Variants in NFX1 observed in about 807,000 individuals in gnomAD.
NFX1 encodes the protein nuclear transcription factor, X-box binding 1.
In NFX1, 69 loss-of-function variants were observed where a neutral mutation model predicts 137.2. The observed-to-expected ratio is 0.50, with a 90% CI of 0.41 to 0.61. The LOEUF (loss-of-function observed/expected upper bound fraction) is 0.61, where lower values mean the gene tolerates loss of function less well. Among genes scored for constraint, NFX1 ranks in the 20% least tolerant of loss-of-function variants. NFX1 has a pLI of 0.00. For synonymous variants in NFX1, 495 were observed against 474.1 expected (o/e 1.04, Z -0.57); for missense variants, 1,167 against 1,391.0 (o/e 0.84, Z 2.56).
intron 19 of NFX1, among the ~76,000 whole-genome samples, chr9:33,359,543 G>A (rs1823925672): frequency 6.6e-6 from 1 of 151,840 alleles, no homozygotes; most frequent in Non-Finnish European, 1.5e-5. Context: ...AGGGTGCAGT[G>A]AGCCGAGATG....
intron 11 of NFX1, among the ~76,000 whole-genome samples, chr9:33,335,532 CT>C (rs1162942425): frequency 1.3e-5 from 2 of 151,942 alleles, no homozygotes; most frequent in African/African-American, 4.8e-5. Context: ...CGTGCCCAAC[CT>C]TTTTTTAAAT....
At chr9:33,344,216 A>C (rs1342708184) in intron 14 of NFX1, 28 bp downstream of exon 14, 4 of 1,612,778 alleles carry the variant, frequency 2.5e-6, no homozygotes, top group Non-Finnish European at 2.5e-6. Context: ...TTCACACTTC[A>C]GCCTGCTCAC....
chr9:33,341,407 A>G (rs1823215416), intron 12 of NFX1, among the ~76,000 whole-genome samples: 1 of 152,186 alleles, frequency 6.6e-6, no homozygotes, highest in African/African-American at 2.4e-5. Context: ...CCTTCCTACA[A>G]CATGTGGGAA....
intron 23 of NFX1, among the ~76,000 whole-genome samples, chr9:33,369,043 G>A (rs971822052): frequency 3.3e-5 from 5 of 152,050 alleles, no homozygotes; most frequent in African/African-American, 7.2e-5. Context: ...TTATTGGCCC[G>A]TTTATCCCAT....
intron 15 of NFX1, among the ~76,000 whole-genome samples, chr9:33,350,301 C>A (rs1349375898): frequency 1.5e-5 from 2 of 136,916 alleles, no homozygotes; most frequent in Admixed American, 7.6e-5. Flanking sequence ...GAGACTCCAT[C>A]TCAAAAAAAA....
At chr9:33,315,622 G>A (rs1013271079) in intron 7 of NFX1, among the ~76,000 whole-genome samples, 4 of 151,878 alleles carry the variant, frequency 2.6e-5, no homozygotes, top group Non-Finnish European at 4.4e-5. Flanking sequence ...AGATTGGCCT[G>A]GGCACGGTAG....
At chr9:33,317,056 T>C (rs902053324) in intron 7 of NFX1, among the ~76,000 whole-genome samples, 4 of 152,182 alleles carry the variant, frequency 2.6e-5, no homozygotes, top group African/African-American at 9.6e-5. Context: ...TATTGTGTTT[T>C]CTGAATCTTT....
intron 19 of NFX1, among the ~76,000 whole-genome samples, chr9:33,360,411 TCTTGGCACAAGAG>T (rs1478042591): frequency 1.3e-5 from 2 of 152,190 alleles, no homozygotes; most frequent in African/African-American, 2.4e-5. Flanking sequence ...CTCATAAAGC[TCTTGGCACAAGAG>T]CTTGGCACAT....
At chr9:33,354,003 A>G in intron 17 of NFX1, 83 bp from the exon 18 acceptor site, 3 of 1,311,828 alleles carry the variant, frequency 2.3e-6, no homozygotes, top group Non-Finnish European at 3.1e-6. Flanking sequence ...ATTTGCTTTT[A>G]AAGAGGTCTT....
At position 33,328,693 on chromosome 9, in the gene NFX1, A is replaced by G. The variant is rs745692773; in HGVS notation, c.2004+15A>G. On this transcript the variant is annotated intron_variant, in intron 10 of 23. Coordinates refer to ENST00000379540, the MANE Select transcript of NFX1 (RefSeq NM_002504.6). ...TCAGAACAAAGGTAAATCCTAAACA[A>G]TGCTAGAGTTGTTGCCATCAATGTT... 5 of 1,578,228 alleles carry G rather than the reference A, an allele frequency of 3.2e-6. No homozygotes were observed. Among genetic ancestry groups the G allele is most frequent in the African/African-American group, 2.7e-5 (2 of 74,202 alleles).
chr9:33,362,661 T>C (rs1031663920), intron 19 of NFX1, among the ~76,000 whole-genome samples: 3 of 149,426 alleles, frequency 2.0e-5, no homozygotes, highest in Admixed American at 6.7e-5. Flanking sequence ...GATATAAAGT[T>C]ACAAATAGAT....
chr9:33,315,798 G>A (rs1208149174), intron 7 of NFX1, among the ~76,000 whole-genome samples: 1 of 151,650 alleles, frequency 6.6e-6, no homozygotes. Context: ...AGGCTGAGGT[G>A]GAAGGATGGC....
intron 16 of NFX1, chr9:33,352,016 G>A: frequency 4.1e-6 from 2 of 492,878 alleles, no homozygotes; most frequent in Non-Finnish European, 7.1e-6. Flanking sequence ...ACCACAGTCT[G>A]TGTCTCCCTT....
At chr9:33,319,540 C>T (rs544093866) in intron 9 of NFX1, among the ~76,000 whole-genome samples, 11 of 152,270 alleles carry the variant, frequency 7.2e-5, no homozygotes, top group South Asian at 2.1e-4. Flanking sequence ...GACAGAGTCT[C>T]GCTCTGTCGC....
intron 3 of NFX1, among the ~76,000 whole-genome samples, chr9:33,302,756 A>G (rs551557896): frequency 1.3e-5 from 2 of 150,584 alleles, no homozygotes; most frequent in African/African-American, 4.9e-5. Context: ...TGCAGCCTCC[A>G]CCTCCCAGGT....
In NFX1 at chr9:33,364,032, A is replaced by G. The variant is rs1824095545; in HGVS notation, c.2896A>G (p.Ile966Val). ...RKKRLAEAFHISEDSDPFNIR... is the reference protein window; with the variant it reads ...RKKRLAEAFHVSEDSDPFNIR... The stretch of plus-strand genomic sequence containing the variant: ...CAGGAGATTAGCAGAGGCATTTCAT[A>G]TCAGTGAGGATTCTGATCCTTTCAA... Residue 966 changes from isoleucine to valine, a missense_variant, in exon 20 of 24, where the codon ATC (isoleucine) becomes GTC (valine). Coordinates refer to ENST00000379540, the MANE Select transcript of NFX1 (RefSeq NM_002504.6). 1.3e-6 allele frequency: 2 copies of G among 1,591,530 alleles called. No homozygotes were observed. Among genetic ancestry groups the G allele is most frequent in the Non-Finnish European group, 8.5e-7 (1 of 1,170,162 alleles).
chr9:33,301,433 C>A lies in NFX1; in HGVS notation c.1192+12C>A. ...AGCATCTCAAGCAGGTCAATTAATTCTCTCTTCTGAGTAGTTATTCTCCCC... is the reference window on the plus strand; with the variant it reads ...AGCATCTCAAGCAGGTCAATTAATTATCTCTTCTGAGTAGTTATTCTCCCC... On this transcript the variant is annotated intron_variant, in intron 3 of 23. Coordinates refer to ENST00000379540, the MANE Select transcript of NFX1 (RefSeq NM_002504.6). 1.9e-6 allele frequency: 3 copies of A among 1,612,838 alleles called. No homozygotes were observed. Among genetic ancestry groups the A allele is most frequent in the Non-Finnish European group, 8.5e-7 (1 of 1,179,462 alleles).
At chr9:33,317,664 A>T (rs1025905611) in intron 7 of NFX1, among the ~76,000 whole-genome samples, 1 of 136,676 alleles carries the variant, frequency 7.3e-6, no homozygotes, top group African/African-American at 3.1e-5. Context: ...TCCTGTCTTT[A>T]AAAAAAAAAA....
intron 6 of NFX1, 80 bp from the exon 7 acceptor site, chr9:33,313,574 G>C: frequency 2.8e-6 from 4 of 1,441,456 alleles, no homozygotes; most frequent in Non-Finnish European, 3.8e-6. Context: ...TGAGGGGAGA[G>C]TTAGGGGCCG....
Sources: allele counts gnomAD v4.1 joint callset (sites outside exome capture counted in the v4.1 genomes callset), GRCh38; gene constraint gnomAD v4.1.1; transcripts MANE v1.5; gene names NCBI Gene and HGNC (gene_info 2026-07-23, HGNC 2026-07-21).